AMOTL1: variants seen among roughly 807,000 people sequenced by gnomAD.
AMOTL1 encodes angiomotin like 1.
AMOTL1 carries 45 observed loss-of-function variants against 102.9 expected under a neutral mutation model. The ratio of observed to expected loss-of-function variants is 0.44; its 90% CI spans 0.34 to 0.56. The LOEUF is 0.56. Among genes scored for constraint, AMOTL1 ranks in the 20% least tolerant of loss-of-function variants. AMOTL1 has a pLI of 0.01. For missense variants in AMOTL1, 1,114 were observed against 1,225.6 expected (o/e 0.91, Z 1.36); for synonymous variants, 481 against 484.7 (o/e 0.99, Z 0.10).
intron 1 of AMOTL1, among the ~76,000 whole-genome samples, chr11:94,717,873 A>C (rs1950119460): frequency 6.6e-6 from 1 of 151,906 alleles, no homozygotes; most frequent in Non-Finnish European, 1.5e-5. Flanking sequence ...GGCTGTTCAG[A>C]AGAAAAGAAA....
chr11:94,852,439 A>G (rs578151467), intron 7 of AMOTL1, among the ~76,000 whole-genome samples: 4 of 152,364 alleles, frequency 2.6e-5, no homozygotes, highest in African/African-American at 9.6e-5. Flanking sequence ...GAATACACCC[A>G]GGTGCGGAAT....
intron 1 of AMOTL1, among the ~76,000 whole-genome samples, chr11:94,790,061 T>C (rs1405450129): frequency 6.6e-6 from 1 of 152,116 alleles, no homozygotes; most frequent in African/African-American, 2.4e-5. Flanking sequence ...AAGGGCCCCC[T>C]CATCTTACGG....
At chr11:94,762,740 G>A (rs140946716) in intron 3 of AMOTL1, among the ~76,000 whole-genome samples, 1 of 152,090 alleles carries the variant, frequency 6.6e-6, no homozygotes, top group Non-Finnish European at 1.5e-5. Flanking sequence ...TACCCCATTT[G>A]GTACAGGTGC....
chr11:94,710,460 C>T (rs867183744), intron 1 of AMOTL1, among the ~76,000 whole-genome samples: 4 of 152,128 alleles, frequency 2.6e-5, no homozygotes, highest in Non-Finnish European at 4.4e-5. Context: ...ATAGTAATGC[C>T]ATCTCACAAG....
At chr11:94,788,172 G>C (rs1001534046) in intron 1 of AMOTL1, among the ~76,000 whole-genome samples, 2 of 152,162 alleles carry the variant, frequency 1.3e-5, no homozygotes, top group African/African-American at 4.8e-5. Flanking sequence ...CCTAGACTTA[G>C]ACAGTGAGTT....
chr11:94,863,310 A>C (rs1952810843), intron 9 of AMOTL1, among the ~76,000 whole-genome samples: 1 of 150,936 alleles, frequency 6.6e-6, no homozygotes, highest in African/African-American at 2.4e-5. Context: ...TAAAGTTTTC[A>C]GGCGGGGCGC....
At chr11:94,709,465 G>A (rs1949986220) in intron 1 of AMOTL1, among the ~76,000 whole-genome samples, 1 of 152,136 alleles carries the variant, frequency 6.6e-6, no homozygotes, top group African/African-American at 2.4e-5. Context: ...GGTTTGGGAG[G>A]AGATATGCAG....
intron 1 of AMOTL1, among the ~76,000 whole-genome samples, chr11:94,771,301 A>G (rs1037296193): frequency 6.1e-5 from 9 of 148,232 alleles, no homozygotes; most frequent in African/African-American, 2.0e-4. Context: ...TTTTAAATGC[A>G]TAAGGAAGCT....
At chr11:94,713,240 CTT>C (rs796903334) in intron 1 of AMOTL1, among the ~76,000 whole-genome samples, 13 of 152,026 alleles carry the variant, frequency 8.6e-5, no homozygotes, top group African/African-American at 3.1e-4. Flanking sequence ...ATACCACACT[CTT>C]TTGAGTATTT....
chr11:94,768,681 C>G, intron 1 of AMOTL1, 121 bp downstream of exon 1: 4 of 1,433,996 alleles, frequency 2.8e-6, no homozygotes, highest in South Asian at 1.3e-5. Flanking sequence ...TCTGGGGGCC[C>G]GGGGCTGAGA....
chr11:94,816,466 C>T (rs1455182307), intron 3 of AMOTL1, among the ~76,000 whole-genome samples: 1 of 151,976 alleles, frequency 6.6e-6, no homozygotes. Context: ...AAATGGATAC[C>T]CCACAGGGAA....
rs747888954 is a variant in AMOTL1, at chr11:94,795,026, G to A, written c.65G>A (p.Cys22Tyr). 2 of 1,609,934 alleles carry A rather than the reference G, an allele frequency of 1.2e-6. No homozygotes were observed. The highest frequency in any genetic ancestry group is 2.2e-5 in the East Asian group (1 of 44,778). Residue 22 changes from cysteine to tyrosine, a missense_variant, in exon 2 of 13, where the codon TGT (cysteine) becomes TAT (tyrosine). Transcript: ENST00000433060. ...EPAVKGSPSACYSPSSPVQVL... is the reference protein window; with the variant it reads ...EPAVKGSPSAYYSPSSPVQVL... The stretch of plus-strand genomic sequence containing the variant: ...TTTCCCCCAGGGTCCCCTTCTGCTT[G>A]TTATAGCCCCAGTAGTCCTGTCCAG...
intron 3 of AMOTL1, among the ~76,000 whole-genome samples, chr11:94,819,332 C>T (rs1392177018): frequency 6.6e-5 from 10 of 152,146 alleles, no homozygotes; most frequent in Non-Finnish European, 1.3e-4. Context: ...CACATACCTG[C>T]CTCACAATTT....
chr11:94,869,121 G>A (rs766300806), intron 11 of AMOTL1, 77 bp from the exon 12 acceptor site: 13 of 1,428,396 alleles, frequency 9.1e-6, no homozygotes, highest in African/African-American at 1.5e-5. Flanking sequence ...AATCAACAAG[G>A]AACAGATCTG....
chr11:94,812,967 C>G (rs984071967), intron 3 of AMOTL1, among the ~76,000 whole-genome samples: 2 of 152,196 alleles, frequency 1.3e-5, no homozygotes, highest in Non-Finnish European at 2.9e-5. Flanking sequence ...CCAGCTGCTT[C>G]TAATCAGTAA....
intron 3 of AMOTL1, among the ~76,000 whole-genome samples, chr11:94,812,017 G>A (rs1338720032): frequency 2.0e-5 from 3 of 152,224 alleles, no homozygotes; most frequent in Non-Finnish European, 2.9e-5. Context: ...AAAAGGAGCT[G>A]TACAGCAAAA....
At chr11:94,859,746 A>G (rs1347639936) in intron 9 of AMOTL1, 31 bp downstream of exon 9, 1 of 1,548,536 alleles carries the variant, frequency 6.5e-7, no homozygotes, top group Non-Finnish European at 8.7e-7. Context: ...GTGGTCATAA[A>G]AGCACAGTTA....
chr11:94,759,325 C>T (rs1342174142), intron 3 of AMOTL1, among the ~76,000 whole-genome samples: 5 of 152,114 alleles, frequency 3.3e-5, no homozygotes, highest in African/African-American at 1.2e-4. Context: ...CACATAGGTG[C>T]TGCATTTATA....
At chr11:94,748,425 G>C (rs956819459) in intron 3 of AMOTL1, among the ~76,000 whole-genome samples, 4 of 152,160 alleles carry the variant, frequency 2.6e-5, no homozygotes, top group Non-Finnish European at 5.9e-5. Flanking sequence ...GTGGCTACCC[G>C]CAGTTCCAGG....
Sources: gnomAD v4.1 joint callset for allele counts (sites outside exome capture counted in the v4.1 genomes callset) on GRCh38, gnomAD v4.1.1 for gene constraint, MANE v1.5 for transcripts, NCBI Gene and HGNC (gene_info 2026-07-23, HGNC 2026-07-21) for gene names.